Variants in GABRA3 observed in about 807,000 individuals in gnomAD.
GABRA3 encodes gamma-aminobutyric acid receptor subunit alpha-3.
Under a neutral mutation model 30.1 loss-of-function variants are expected in GABRA3, and 10 were observed. That is an observed-to-expected ratio of 0.33 (90% CI 0.20 to 0.56). The LOEUF is 0.56. GABRA3 is among the 20% of genes least tolerant of loss of function. GABRA3 has a pLI of 0.89. For missense variants in GABRA3, 233 were observed against 392.0 expected (o/e 0.59, Z 3.42); for synonymous variants, 151 against 146.8 (o/e 1.03, Z -0.21).
chrX:152,207,986 A>C lies in GABRA3; in HGVS notation c.778+15T>G, dbSNP rs752601392. 3 of 1,199,873 alleles carry C rather than the reference A, an allele frequency of 2.5e-6. No individual in the cohort carries two copies. The South Asian group carries it at 5.4e-5, about 22-fold the overall frequency. On this transcript the variant is annotated intron_variant, in intron 7 of 9. Transcript: ENST00000370314. ...AGGTTACAGAAATGTTTGTTAAATA[A>C]AATAAGTTAAATACCTGTACTAGAC...
chrX:152,398,003 G>A (rs939236625), intron 1 of GABRA3, among the ~76,000 whole-genome samples: 1 of 111,579 alleles, frequency 9.0e-6, no homozygotes, highest in Non-Finnish European at 1.9e-5. Context: ...AATGGCCCAG[G>A]GCCATTCTGC....
At chrX:152,269,671 A>G (rs1377590092) in intron 4 of GABRA3, among the ~76,000 whole-genome samples, 1 of 111,974 alleles carries the variant, frequency 8.9e-6, no homozygotes, top group Non-Finnish European at 1.9e-5. Context: ...AGAATGGAGA[A>G]CCCAGATATA....
chrX:152,342,980 C>G (rs28555077), intron 3 of GABRA3, among the ~76,000 whole-genome samples: 1 of 111,767 alleles, frequency 8.9e-6, no homozygotes, highest in Admixed American at 9.5e-5. Context: ...CATCCTTGAG[C>G]TGTGAGGTAA....
At chrX:152,432,860 A>G (rs1343225012) in intron 1 of GABRA3, among the ~76,000 whole-genome samples, 2 of 111,183 alleles carry the variant, frequency 1.8e-5, no homozygotes, top group East Asian at 2.8e-4. Context: ...GAAAACAAAT[A>G]AATCTAGCCA....
chrX:152,404,726 A>C (rs1929882088), intron 1 of GABRA3, among the ~76,000 whole-genome samples: 1 of 95,132 alleles, frequency 1.1e-5, no homozygotes, highest in African/African-American at 3.7e-5. Context: ...GAGAGCCAGG[A>C]AGTCATTTAT....
chrX:152,405,127 C>A (rs772614727), intron 1 of GABRA3, among the ~76,000 whole-genome samples: 2 of 108,426 alleles, frequency 1.8e-5, no homozygotes, highest in Admixed American at 2.0e-4. Flanking sequence ...TCTCCCCTAA[C>A]TGTGCCTTGT....
intron 4 of GABRA3, among the ~76,000 whole-genome samples, chrX:152,268,464 G>GATT (rs2124424188): frequency 8.9e-6 from 1 of 112,252 alleles, no homozygotes; most frequent in East Asian, 2.8e-4. Context: ...CTACCACCAG[G>GATT]ATTATGAGGC....
At chrX:152,365,123 T>C (rs1323489603) in intron 1 of GABRA3, among the ~76,000 whole-genome samples, 2 of 111,313 alleles carry the variant, frequency 1.8e-5, no homozygotes, top group Non-Finnish European at 3.8e-5. Flanking sequence ...AGACCTGGAG[T>C]CTTTTTATAG....
intron 9 of GABRA3, among the ~76,000 whole-genome samples, chrX:152,178,575 A>G (rs1212201857): frequency 8.9e-6 from 1 of 112,206 alleles, no homozygotes; most frequent in Non-Finnish European, 1.9e-5. Flanking sequence ...ATAAAAAAAG[A>G]AAGTCCAAGC....
chrX:152,378,477 C>G (rs1929056096), intron 1 of GABRA3, among the ~76,000 whole-genome samples: 1 of 110,328 alleles, frequency 9.1e-6, no homozygotes, highest in Non-Finnish European at 1.9e-5. Flanking sequence ...CTAAGACACC[C>G]ACTAAATCTA....
At chrX:152,428,840 G>A (rs1303021334) in intron 1 of GABRA3, among the ~76,000 whole-genome samples, 3 of 111,855 alleles carry the variant, frequency 2.7e-5, no homozygotes, top group Non-Finnish European at 3.8e-5. Flanking sequence ...GAGCAAGAGA[G>A]GTTTTTTCTC....
At chrX:152,171,557 T>A (rs932471881) in intron 9 of GABRA3, 4 of 113,784 alleles carry the variant, frequency 3.5e-5, no homozygotes, top group African/African-American at 9.7e-5. Context: ...AGATACAGAC[T>A]GAGATGACTT....
chrX:152,170,345 T>C (rs2124322788), intron 9 of GABRA3, among the ~76,000 whole-genome samples: 1 of 112,457 alleles, frequency 8.9e-6, no homozygotes, highest in East Asian at 2.8e-4. Flanking sequence ...ACATGGGTCT[T>C]GCTCTGTCAC....
At chrX:152,274,673 T>C (rs5970253) in intron 4 of GABRA3, among the ~76,000 whole-genome samples, 5,454 of 109,821 alleles carry the variant, frequency 0.05, 279 homozygotes, top group African/African-American at 0.15. Flanking sequence ...TGGAGGGAAA[T>C]TGATATTCAT....
intron 1 of GABRA3, among the ~76,000 whole-genome samples, chrX:152,383,155 G>A (rs1475946465): frequency 5.5e-5 from 6 of 108,953 alleles, no homozygotes; most frequent in Non-Finnish European, 1.1e-4. Flanking sequence ...GGGAGGCCGA[G>A]GCAGGCAGAT....
chrX:152,333,914 T>C (rs1340857559), intron 3 of GABRA3, among the ~76,000 whole-genome samples: 1 of 111,526 alleles, frequency 9.0e-6, no homozygotes, highest in Non-Finnish European at 1.9e-5. Context: ...ATAAAATTTA[T>C]CTAGAAATTT....
chrX:152,198,224 A>G (rs1257481278), intron 7 of GABRA3, among the ~76,000 whole-genome samples: 2 of 112,031 alleles, frequency 1.8e-5, no homozygotes, highest in Non-Finnish European at 3.8e-5. Context: ...AGCAACTTGC[A>G]TAAGGTTACA....
At chrX:152,266,102 AGAG>A (rs1266386801) in intron 4 of GABRA3, among the ~76,000 whole-genome samples, 3 of 111,489 alleles carry the variant, frequency 2.7e-5, no homozygotes, top group African/African-American at 3.2e-5. Flanking sequence ...TTCAAAAAAT[AGAG>A]GAGAAGGGAA....
At chrX:152,441,671 A>G (rs1261816488) in intron 1 of GABRA3, among the ~76,000 whole-genome samples, 2 of 112,033 alleles carry the variant, frequency 1.8e-5, no homozygotes, top group African/African-American at 6.5e-5. Flanking sequence ...GAAACACAAT[A>G]GAGAGCCTAG....
Sources: allele counts gnomAD v4.1 joint callset (sites outside exome capture counted in the v4.1 genomes callset), GRCh38; gene constraint gnomAD v4.1.1; transcripts MANE v1.5; gene names NCBI Gene and HGNC (gene_info 2026-07-23, HGNC 2026-07-21).